The following ART3 variants were observed in gnomAD, a reference collection of about 807,000 sequenced individuals.
ART3 encodes the protein ADP-ribosyltransferase 3 (inactive).
Under a neutral mutation model 48.5 loss-of-function variants are expected in ART3, and 49 were observed. The observed-to-expected ratio is 1.01, with a 90% CI of 0.80 to 1.28. The LOEUF (loss-of-function observed/expected upper bound fraction) is 1.28, where lower values mean the gene tolerates loss of function less well. ART3 is among the 50% of genes most tolerant of loss of function. The probability of loss-of-function intolerance (pLI) is 0.00; values close to 1 mark genes in which losing one functional copy is unlikely to be tolerated. For synonymous variants in ART3, 145 were observed against 157.2 expected (o/e 0.92, Z 0.58); for missense variants, 438 against 454.3 (o/e 0.96, Z 0.33).
chr4:76,015,577 C>T (rs930582378), intron 1 of ART3, among the ~76,000 whole-genome samples: 4 of 152,110 alleles, frequency 2.6e-5, no homozygotes, highest in Non-Finnish European at 5.9e-5. Context: ...TCAGTAATAA[C>T]TTTAAATGTA....
chr4:76,108,673 G>GA (rs1432634812), intron 11 of ART3, among the ~76,000 whole-genome samples: 37 of 100,758 alleles, frequency 3.7e-4, no homozygotes, highest in African/African-American at 2.3e-3. Context: ...TTAACAAGAT[G>GA]GGGTATGTTC....
rs374651932 is a variant in ART3 at position 76,075,684 on chromosome 4, G to A, written c.-9-197G>A. Among the ~76,000 whole-genome samples, 24 of 152,216 alleles carry A rather than the reference G, an allele frequency of 1.6e-4. No homozygotes were observed. The East Asian group carries it at 4.5e-3, about 28-fold the overall frequency. On this transcript the variant is annotated intron_variant, in intron 1 of 11. Coordinates refer to ENST00000355810, the MANE Select transcript of ART3 (RefSeq NM_001130016.3). ...CTAAGGTGTTTTTGTTTCCTCGTCT[G>A]TAGAATGAGAGCATTAGACCACTAG...
At chr4:76,054,094 A>G (rs531038009) in intron 1 of ART3, among the ~76,000 whole-genome samples, 10 of 152,362 alleles carry the variant, frequency 6.6e-5, no homozygotes, top group Admixed American at 2.6e-4. Flanking sequence ...AGGGAGAAAT[A>G]GTAGCTTCAC....
intron 1 of ART3, among the ~76,000 whole-genome samples, chr4:76,051,441 A>C (rs28681694): frequency 0.59 from 89,027 of 151,936 alleles, 26,942 homozygotes; most frequent in East Asian, 0.94. Flanking sequence ...TATTTTTTTC[A>C]TCAAAACTTG....
chr4:76,041,111 C>G (rs1043602894), intron 1 of ART3: 31 of 152,228 alleles, frequency 2.0e-4, no homozygotes, highest in African/African-American at 7.2e-4. Flanking sequence ...GAACAAAACT[C>G]ACCAAGTCCT....
chr4:76,060,452 C>G (rs1201572763), intron 1 of ART3, among the ~76,000 whole-genome samples: 3 of 152,098 alleles, frequency 2.0e-5, no homozygotes, highest in Admixed American at 2.0e-4. Context: ...CTCTCTGCAC[C>G]TAAATGCTAG....
intron 1 of ART3, among the ~76,000 whole-genome samples, chr4:76,061,682 G>A (rs1719231352): frequency 6.6e-6 from 1 of 152,070 alleles, no homozygotes; most frequent in East Asian, 1.9e-4. Context: ...AACATATCAT[G>A]CTGTCCAGCT....
rs71657397 is a variant in ART3 at position 76,059,362 on chromosome 4, G to GTT, written c.-9-16511_-9-16510dup. 3.8e-3 allele frequency among the ~76,000 whole-genome samples: 540 copies of GTT among 141,070 alleles called. 2 individuals are homozygous for GTT. Among genetic ancestry groups the GTT allele is most frequent in the East Asian group, 0.019 (90 of 4,864 alleles). 92.5% of individuals were successfully genotyped at this position (141,070 alleles called of 152,430 possible). A position where few individuals can be genotyped will look rare whatever the true frequency, so the allele number is the denominator to read the frequency against. On this transcript the variant is annotated intron_variant, in intron 1 of 9. Transcript: ENST00000341029. ...TGCTGTCTTCTCGTTATTTTCTCTT[G>GTT]TTTTTTTTTCTTTTTTTTTTCCTGA...
At chr4:76,048,936 T>C (rs963560071) in intron 1 of ART3, among the ~76,000 whole-genome samples, 4 of 151,944 alleles carry the variant, frequency 2.6e-5, no homozygotes, top group African/African-American at 9.7e-5. Flanking sequence ...TGGAGGGCCA[T>C]ACCCTGAGGG....
intron 2 of ART3, among the ~76,000 whole-genome samples, chr4:76,080,490 C>T (rs957267399): frequency 1.3e-5 from 2 of 152,018 alleles, no homozygotes; most frequent in Non-Finnish European, 2.9e-5. Flanking sequence ...ACTATTTCCT[C>T]CACTTTGTCT....
intron 1 of ART3, among the ~76,000 whole-genome samples, chr4:76,022,152 T>G (rs1732895798): frequency 6.6e-6 from 1 of 152,214 alleles, no homozygotes; most frequent in Non-Finnish European, 1.5e-5. Flanking sequence ...TAGTTATAGC[T>G]GTACTTCAAG....
upstream of ART3, among the ~76,000 whole-genome samples, chr4:76,071,071 C>T (rs79615066): frequency 0.11 from 17,259 of 151,842 alleles, 1,349 homozygotes; most frequent in East Asian, 0.35. Flanking sequence ...TATTTCTGAC[C>T]AAGCACAGTG....
upstream of ART3, among the ~76,000 whole-genome samples, chr4:76,071,918 T>G (rs757744874): frequency 6.6e-6 from 1 of 152,072 alleles, no homozygotes; most frequent in Non-Finnish European, 1.5e-5. Context: ...TTTTTTTTTG[T>G]TTTTGTTTTT....
chr4:76,025,690 TATA>T (rs1733316080), intron 1 of ART3, among the ~76,000 whole-genome samples: 1 of 152,202 alleles, frequency 6.6e-6, no homozygotes, highest in South Asian at 2.1e-4. Flanking sequence ...TTTTGCTCAG[TATA>T]ATGTTTCTTA....
intron 10 of ART3, chr4:76,105,766 A>G (rs1352399001): frequency 1.0e-6 from 1 of 985,316 alleles, no homozygotes; most frequent in Non-Finnish European, 1.2e-6. Flanking sequence ...CCAAACATCA[A>G]AAAAGGCACT....
intron 3 of ART3, among the ~76,000 whole-genome samples, chr4:76,095,411 G>A (rs1725781012): frequency 6.6e-6 from 1 of 152,184 alleles, no homozygotes; most frequent in South Asian, 2.1e-4. Flanking sequence ...AGGAGGCTGA[G>A]GCAGGAGAAT....
chr4:76,071,040 GT>G (rs1205699495), upstream of ART3, among the ~76,000 whole-genome samples: 1 of 151,714 alleles, frequency 6.6e-6, no homozygotes, highest in Non-Finnish European at 1.5e-5. Flanking sequence ...CAACATGCTG[GT>G]TTTTTTCTGT....
intron 1 of ART3, among the ~76,000 whole-genome samples, chr4:76,042,778 CAAGATTTATTGCAAAGAGTGAAAGA>C (rs1207203327): frequency 3.3e-5 from 5 of 152,140 alleles, no homozygotes; most frequent in African/African-American, 1.2e-4. Context: ...TGAGCAGCAG[CAAGATTTATTGCAAAGAGTGAAAGA>C]ACAAAGCTTC....
rs753308989 is a variant in ART3 at position 76,082,207 on chromosome 4, A to G, written c.453A>G (p.Lys151=). The G allele has an allele frequency of 1.2e-6, 2 of 1,614,076 alleles. No homozygotes were observed. Among genetic ancestry groups the G allele is most frequent in the East Asian group, 2.2e-5 (1 of 44,862 alleles). ...CAAGAGCCCTGCAGTTGCTGAGAAA[A>G]CCTTGTGAGGCCAGTTCCAAAACTG... ...YLTRALQLLR[K]PCEASSKTVV... The change falls in exon 3 of 12, where the codon AAA becomes AAG. Residue 151 remains lysine, a synonymous_variant. Transcript: ENST00000355810.
Sources: allele counts gnomAD v4.1 joint callset (sites outside exome capture counted in the v4.1 genomes callset), GRCh38; gene constraint gnomAD v4.1.1; transcripts MANE v1.5; gene names NCBI Gene and HGNC (gene_info 2026-07-23, HGNC 2026-07-21).